ZBTB25: variants seen among roughly 807,000 people sequenced by gnomAD.
The protein encoded by ZBTB25 is zinc finger and BTB domain containing 25.
Under a neutral mutation model 34.2 loss-of-function variants are expected in ZBTB25, and 20 were observed. The observed-to-expected ratio is 0.58, with a 90% CI of 0.41 to 0.85. ZBTB25 has a LOEUF of 0.85. Ranked by LOEUF, ZBTB25 falls within the 40% of genes least tolerant of loss-of-function variation. The probability of loss-of-function intolerance (pLI) is 0.00; values close to 1 mark genes in which losing one functional copy is unlikely to be tolerated. For synonymous variants in ZBTB25, 175 were observed against 186.4 expected (o/e 0.94, Z 0.50); for missense variants, 437 against 521.8 (o/e 0.84, Z 1.58).
chr14:64,476,505 G>A (rs1480350317), downstream of ZBTB25, among the ~76,000 whole-genome samples: 1 of 151,952 alleles, frequency 6.6e-6, no homozygotes, highest in Non-Finnish European at 1.5e-5. Flanking sequence ...CTCTTTTTAG[G>A]AAAGACGGGG....
At chr14:64,451,241 C>G (rs762955204) in intron 2 of ZBTB25, among the ~76,000 whole-genome samples, 1 of 151,990 alleles carries the variant, frequency 6.6e-6, no homozygotes, top group African/African-American at 2.4e-5. Context: ...AGGCTGGTCT[C>G]GAACTCCTGG....
intron 2 of ZBTB25, among the ~76,000 whole-genome samples, chr14:64,489,342 A>G (rs2141027124): frequency 6.6e-6 from 1 of 152,328 alleles, no homozygotes; most frequent in South Asian, 2.1e-4. Context: ...TTAGTGACTA[A>G]AAGCATAGAC....
At chr14:64,470,110 G>A (rs1242554041) in intron 2 of ZBTB25, 1 of 168,346 alleles carries the variant, frequency 5.9e-6, no homozygotes, top group Non-Finnish European at 1.4e-5. Context: ...TTTTTACAGT[G>A]CACATATATG....
At chr14:64,463,981 G>A (rs2078584069) in intron 2 of ZBTB25, among the ~76,000 whole-genome samples, 1 of 152,032 alleles carries the variant, frequency 6.6e-6, no homozygotes, top group Non-Finnish European at 1.5e-5. Context: ...AACCCATAGA[G>A]AGATACGCAG....
In ZBTB25 at chr14:64,482,709, T is replaced by C. The variant is rs2078808412; in HGVS notation, c.*4214A>G. 2 of 152,248 alleles carry C rather than the reference T, an allele frequency of 1.3e-5. No homozygotes were observed. The highest frequency in any genetic ancestry group is 1.3e-4 in the Admixed American group (2 of 15,290). 9.4% of individuals were successfully genotyped at this position (152,248 alleles called of 1,614,324 possible). A position where few individuals can be genotyped will look rare whatever the true frequency, so the allele number is the denominator to read the frequency against. ...AAAAATAACAATGAGTTCTGTCAAT[T>C]AGTTATTGAATATTAGATAGTACAT... On this transcript the variant is annotated 3_prime_UTR_variant, in exon 3 of 3. Coordinates refer to ENST00000608382, the MANE Select transcript of ZBTB25 (RefSeq NM_006977.5).
At chr14:64,469,353 A>C in intron 2 of ZBTB25, 1 of 1,614,058 alleles carries the variant, frequency 6.2e-7, no homozygotes, top group Non-Finnish European at 8.5e-7. Context: ...TTTAAAGAAA[A>C]TGGGATCACT....
At chr14:64,477,221 T>G (rs915395984), downstream of ZBTB25, among the ~76,000 whole-genome samples, 2 of 152,208 alleles carry the variant, frequency 1.3e-5, no homozygotes, top group African/African-American at 4.8e-5. Flanking sequence ...AGCTGTGCCA[T>G]TGGCACAGCA....
chr14:64,459,730 A>T (rs1160689768), intron 2 of ZBTB25: 1 of 1,518,402 alleles, frequency 6.6e-7, no homozygotes, highest in Non-Finnish European at 8.8e-7. Context: ...TGCTTAGAGA[A>T]AACATTTATT....
chr14:64,470,315 G>C (rs3742608), intron 2 of ZBTB25: 44,938 of 166,820 alleles, frequency 0.27, 6,336 homozygotes, highest in East Asian at 0.41. Flanking sequence ...TTTGGCCAGG[G>C]GCAGTGGCTC....
rs1331929459 is a variant in ZBTB25 at position 64,460,961 on chromosome 14, G to C, written c.174-11323C>G. The C allele has an allele frequency of 2.6e-5, 4 of 152,306 alleles. No individual in the cohort carries two copies. The East Asian group carries it at 7.8e-4, about 30-fold the overall frequency. The allele number at this position is 152,306 out of a possible 1,614,324, so 9.4% of individuals were successfully genotyped here. A position where few individuals can be genotyped will look rare whatever the true frequency, so the allele number is the denominator to read the frequency against. On this transcript the variant is annotated intron_variant, in intron 2 of 2. Transcript: ENST00000555220. ...GAATTGCTTGAACCCAGGAGGCAGA[G>C]GTTGCAGTGAGCCAGGATCATGCTG...
chr14:64,483,030 C>A lies in ZBTB25; in HGVS notation c.*3893G>T, dbSNP rs989534578. ...AGTTCTGATGATACGCTAATAAGAA[C>A]AAATACTAAAACAGTCTCTATTTTT... On this transcript the variant is annotated 3_prime_UTR_variant, in exon 3 of 3. Coordinates refer to ENST00000608382, the MANE Select transcript of ZBTB25 (RefSeq NM_006977.5). 6.6e-6 allele frequency: 1 copy of A among 152,150 alleles called. No homozygotes were observed. Among genetic ancestry groups the A allele is most frequent in the Non-Finnish European group, 1.5e-5 (1 of 68,020 alleles). The allele number at this position is 152,150 out of a possible 1,614,324, so 9.4% of individuals were successfully genotyped here.
intron 1 of ZBTB25, among the ~76,000 whole-genome samples, chr14:64,499,197 A>G (rs951971250): frequency 5.3e-5 from 8 of 152,208 alleles, no homozygotes; most frequent in Non-Finnish European, 1.2e-4. Context: ...AAGTATGGAA[A>G]TTATGTTGAC....
intron 2 of ZBTB25, among the ~76,000 whole-genome samples, chr14:64,488,889 G>T (rs1379744172): frequency 6.6e-6 from 1 of 152,158 alleles, no homozygotes; most frequent in East Asian, 1.9e-4. Context: ...ATTAAAAATG[G>T]TTAAAATGGC....
At chr14:64,476,302 A>G (rs1197628814), downstream of ZBTB25, among the ~76,000 whole-genome samples, 1 of 152,252 alleles carries the variant, frequency 6.6e-6, no homozygotes, top group Non-Finnish European at 1.5e-5. Context: ...ACTTCTGTTT[A>G]AACAGGTCTT....
chr14:64,450,491 G>A (rs545123090), intron 2 of ZBTB25, among the ~76,000 whole-genome samples: 42 of 152,238 alleles, frequency 2.8e-4, no homozygotes, highest in Non-Finnish European at 5.3e-4. Context: ...GGTCTAAGTA[G>A]AGCCCTGCTT....
chr14:64,450,111 A>G (rs767920502), intron 2 of ZBTB25, among the ~76,000 whole-genome samples: 1 of 152,164 alleles, frequency 6.6e-6, no homozygotes, highest in Non-Finnish European at 1.5e-5. Flanking sequence ...TTATAAACAT[A>G]TGCCACTGCT....
At chr14:64,505,031 G>A (rs9323451), upstream of ZBTB25, 100,483 of 381,320 alleles carry the variant, frequency 0.26, 14,322 homozygotes, top group Non-Finnish European at 0.31. Flanking sequence ...CGGAGTGCGG[G>A]GCCGGAGGGG....
upstream of ZBTB25, chr14:64,505,126 C>G (rs1268780216): frequency 2.9e-6 from 1 of 344,330 alleles, no homozygotes; most frequent in Non-Finnish European, 5.2e-6. Flanking sequence ...CTGCTTGTTG[C>G]CGGCGCGTCA....
At chr14:64,452,106 A>C (rs1395127981) in intron 2 of ZBTB25, among the ~76,000 whole-genome samples, 1 of 152,130 alleles carries the variant, frequency 6.6e-6, no homozygotes, top group African/African-American at 2.4e-5. Flanking sequence ...GACCAGCCTG[A>C]CCAAGATGGT....
Sources: allele counts gnomAD v4.1 joint callset (sites outside exome capture counted in the v4.1 genomes callset), GRCh38; gene constraint gnomAD v4.1.1; transcripts MANE v1.5; gene names NCBI Gene and HGNC (gene_info 2026-07-23, HGNC 2026-07-21).